The following PYGO1 variants were observed in gnomAD, a reference collection of about 807,000 sequenced individuals.
The protein encoded by PYGO1 is pygopus homolog 1.
PYGO1 carries 6 observed loss-of-function variants against 29.5 expected under a neutral mutation model. The observed-to-expected ratio is 0.20, with a 90% CI of 0.11 to 0.40. PYGO1 has a LOEUF of 0.40. PYGO1 is among the 10% of genes least tolerant of loss of function. PYGO1 has a pLI of 1.00. For missense variants in PYGO1, 515 were observed against 514.9 expected, an observed-to-expected ratio of 1.00 and a Z score of 0.00; for synonymous variants, 186 against 180.5, an observed-to-expected ratio of 1.03 and a Z score of -0.24.
Position 55,577,748 on chromosome 15 carries a change from T to C in PYGO1, c.49+10087A>G, listed in dbSNP as rs372988096. ...AGTCACTCCTCATTCCCCCACCCCC[T>C]GACAATTACTAATCTACTTTTTTTT... is the stretch of plus-strand genomic sequence containing the variant. On this transcript the variant is annotated intron_variant, in intron 1 of 2. Coordinates refer to ENST00000563719, the MANE Select transcript of PYGO1 (RefSeq NM_001367806.1). 8.6e-3 allele frequency among the ~76,000 whole-genome samples: 1,282 copies of C among 148,880 alleles called. 18 individuals are homozygous for C. The highest frequency in any genetic ancestry group is 0.03 in the African/African-American group (1,219 of 40,450).
At chr15:55,576,771 A>AAAAAAAAAAAAAAAAAAG (rs1555426321) in intron 1 of PYGO1, among the ~76,000 whole-genome samples, 1 of 149,244 alleles carries the variant, frequency 6.7e-6, no homozygotes, top group Non-Finnish European at 1.5e-5. Flanking sequence ...AAAAAAAAGA[A>AAAAAAAAAAAAAAAAAAG]GTGGGGGAAA....
rs560614880 is a variant in PYGO1 at position 55,561,883 on chromosome 15, C to G, written c.50-12888G>C. Reference sequence around the variant, plus strand: ...GGATCTAAACTAAAGAGCTTCTGCACAGCAAAAGAAACTATCATCAGAGTG... The same window carrying G: ...GGATCTAAACTAAAGAGCTTCTGCAGAGCAAAAGAAACTATCATCAGAGTG... On this transcript the variant is annotated intron_variant, in intron 1 of 2. Transcript: ENST00000563719. Among the ~76,000 whole-genome samples the G allele has an allele frequency of 1.1e-3, 168 of 152,242 alleles. 2 individuals carry two copies. The highest frequency in any genetic ancestry group is 3.9e-3 in the African/African-American group (163 of 41,536).
At chr15:55,561,860 A>G (rs1261167899) in intron 1 of PYGO1, among the ~76,000 whole-genome samples, 1 of 152,240 alleles carries the variant, frequency 6.6e-6, no homozygotes, top group East Asian at 1.9e-4. Context: ...GACAAATGGG[A>G]TCTAAACTAA....
chr15:55,543,018 T>G lies in PYGO1; in HGVS notation c.*3005A>C, dbSNP rs556175171. The G allele has an allele frequency of 2.0e-5, 3 of 152,098 alleles. No homozygotes were observed. The highest frequency in any genetic ancestry group is 2.0e-4 in the Admixed American group (3 of 15,274). 9.4% of individuals were successfully genotyped at this position (152,098 alleles called of 1,614,324 possible). A position where few individuals can be genotyped will look rare whatever the true frequency, so the allele number is the denominator to read the frequency against. On this transcript the variant is annotated 3_prime_UTR_variant, in exon 3 of 3. Coordinates refer to ENST00000563719, the MANE Select transcript of PYGO1 (RefSeq NM_001367806.1). Reference sequence around the variant, plus strand: ...AGCTTTGGTGAGTAAACCTAGATGCTCATAGTTAGCCAGGTTGAATTTAAG... The same window carrying G: ...AGCTTTGGTGAGTAAACCTAGATGCGCATAGTTAGCCAGGTTGAATTTAAG...
chr15:55,557,290 C>T (rs1348948992), intron 1 of PYGO1, among the ~76,000 whole-genome samples: 1 of 152,064 alleles, frequency 6.6e-6, no homozygotes, highest in Non-Finnish European at 1.5e-5. Flanking sequence ...AAGACTAAAC[C>T]AGGAAGAAGT....
intron 1 of PYGO1, among the ~76,000 whole-genome samples, chr15:55,562,426 C>T (rs1191935752): frequency 1.3e-5 from 2 of 152,140 alleles, no homozygotes; most frequent in African/African-American, 2.4e-5. Context: ...AATCCCAGCA[C>T]TTTGGGAGGC....
At position 55,587,966 on chromosome 15, in the gene PYGO1, G is replaced by C. The variant is rs932975293; in HGVS notation, c.-83C>G. 6.3e-6 allele frequency: 9 copies of C among 1,428,056 alleles called. No homozygotes were observed. The highest frequency in any genetic ancestry group is 4.4e-5 in the African/African-American group (3 of 67,630). 88.5% of individuals were successfully genotyped at this position (1,428,056 alleles called of 1,614,324 possible). On this transcript the variant is annotated 5_prime_UTR_variant, in exon 1 of 3. Coordinates refer to ENST00000563719, the MANE Select transcript of PYGO1 (RefSeq NM_001367806.1). ...TGCGGCGGCGGCTCCTCCTCCTCGCGGGGCCGCTGCGGCTGCGAGGCAAGC... is the reference window on the plus strand; with the variant it reads ...TGCGGCGGCGGCTCCTCCTCCTCGCCGGGCCGCTGCGGCTGCGAGGCAAGC...
intron 1 of PYGO1, among the ~76,000 whole-genome samples, chr15:55,566,978 T>C (rs948435945): frequency 2.6e-5 from 4 of 152,216 alleles, no homozygotes; most frequent in Non-Finnish European, 2.9e-5. Context: ...GCAATCCACC[T>C]ACCTCAGCCT....
At chr15:55,578,487 G>A (rs891897662) in intron 1 of PYGO1, among the ~76,000 whole-genome samples, 4 of 152,084 alleles carry the variant, frequency 2.6e-5, no homozygotes, top group Non-Finnish European at 5.9e-5. Context: ...CAAGGTATGA[G>A]GGTTACAATC....
At chr15:55,566,494 T>A (rs944603187) in intron 1 of PYGO1, among the ~76,000 whole-genome samples, 7 of 152,084 alleles carry the variant, frequency 4.6e-5, no homozygotes, top group African/African-American at 1.7e-4. Context: ...GGCACCTAGG[T>A]TGATTCCATG....
At chr15:55,562,379 ACATG>A (rs1371173542) in intron 1 of PYGO1, among the ~76,000 whole-genome samples, 1 of 152,232 alleles carries the variant, frequency 6.6e-6, no homozygotes, top group Non-Finnish European at 1.5e-5. Context: ...CTATAAAAAT[ACATG>A]CACACTGGCT....
At chr15:55,584,806 C>G (rs2059039860) in intron 1 of PYGO1, among the ~76,000 whole-genome samples, 1 of 152,254 alleles carries the variant, frequency 6.6e-6, no homozygotes, top group Middle Eastern at 3.4e-3. Flanking sequence ...TACTGTGTCA[C>G]TAAAGAGTAA....
intron 1 of PYGO1, 59 bp downstream of exon 1, chr15:55,587,776 C>A (rs2059055028): frequency 1.4e-6 from 2 of 1,452,266 alleles, no homozygotes; most frequent in Non-Finnish European, 1.8e-6. Context: ...CGGCCGGGCA[C>A]GGGGCCCCGC....
chr15:55,576,686 G>A (rs1211826090), intron 1 of PYGO1, among the ~76,000 whole-genome samples: 3 of 146,656 alleles, frequency 2.0e-5, no homozygotes, highest in Non-Finnish European at 3.0e-5. Flanking sequence ...CAGAAGAATC[G>A]CTTGAACCCG....
chr15:55,568,090 C>T (rs1277766977), intron 1 of PYGO1, among the ~76,000 whole-genome samples: 1 of 152,032 alleles, frequency 6.6e-6, no homozygotes, highest in Non-Finnish European at 1.5e-5. Context: ...AATTTTAACA[C>T]AGTTTTTTCC....
chr15:55,540,462 G>A lies in PYGO1; in HGVS notation c.*5561C>T, dbSNP rs1223963131. The A allele has an allele frequency of 6.6e-6, 1 of 151,966 alleles. No individual in the cohort carries two copies. The highest frequency in any genetic ancestry group is 2.4e-5 in the African/African-American group (1 of 41,406). The allele number at this position is 151,966 out of a possible 1,614,324, so 9.4% of individuals were successfully genotyped here. On this transcript the variant is annotated 3_prime_UTR_variant, in exon 3 of 3. Coordinates refer to ENST00000563719, the MANE Select transcript of PYGO1 (RefSeq NM_001367806.1). ...GGTAATTATTTAGTAAAGTATACCT[G>A]TAAGTGGAAAATAAAAATTTTAAGA...
At chr15:55,587,335 C>T (rs573036386) in intron 1 of PYGO1, among the ~76,000 whole-genome samples, 1 of 150,654 alleles carries the variant, frequency 6.6e-6, no homozygotes, top group South Asian at 2.1e-4. Context: ...CCTCTTAAAC[C>T]TACGGAAAAT....
chr15:55,568,376 T>C (rs1463977771), intron 1 of PYGO1, among the ~76,000 whole-genome samples: 1 of 123,106 alleles, frequency 8.1e-6, no homozygotes, highest in Non-Finnish European at 1.6e-5. Flanking sequence ...GTAAATGGGA[T>C]TGCTTTCTTG....
chr15:55,587,675 C>G (rs2141683494), intron 1 of PYGO1, among the ~76,000 whole-genome samples, 160 bp downstream of exon 1: 1 of 151,946 alleles, frequency 6.6e-6, no homozygotes, highest in Admixed American at 6.5e-5. Flanking sequence ...GCGCCCGGGC[C>G]GCGCGCTCGG....
Sources: allele counts gnomAD v4.1 joint callset (sites outside exome capture counted in the v4.1 genomes callset), GRCh38; gene constraint gnomAD v4.1.1; transcripts MANE v1.5; gene names NCBI Gene and HGNC (gene_info 2026-07-23, HGNC 2026-07-21).